SYCP1: variants seen among roughly 807,000 people sequenced by gnomAD.
SYCP1 encodes cancer/testis antigen 8.
SYCP1 carries 64 observed loss-of-function variants against 153.1 expected under a neutral mutation model. That is an observed-to-expected ratio of 0.42 (90% CI 0.34 to 0.51). The LOEUF is 0.51. Among genes scored for constraint, SYCP1 ranks in the 20% least tolerant of loss-of-function variants. SYCP1 has a pLI of 0.06. For missense variants in SYCP1, 997 were observed against 1,049.0 expected (o/e 0.95, Z 0.68); for synonymous variants, 384 against 341.8 (o/e 1.12, Z -1.36).
chr1:114,884,438 T>C (rs866015163), intron 12 of SYCP1, among the ~76,000 whole-genome samples: 17 of 152,200 alleles, frequency 1.1e-4, no homozygotes, highest in African/African-American at 3.9e-4. Flanking sequence ...TCTTTAAACT[T>C]TTTCTGTCTC....
intron 30 of SYCP1, among the ~76,000 whole-genome samples, chr1:114,992,095 A>G (rs928231325): frequency 4.6e-5 from 7 of 151,848 alleles, no homozygotes; most frequent in African/African-American, 1.7e-4. Flanking sequence ...AAATCTAACC[A>G]AGGAAGTAAA....
chr1:114,860,666 C>T, intron 7 of SYCP1, 70 bp from the exon 8 acceptor site: 2 of 957,384 alleles, frequency 2.1e-6, no homozygotes, highest in South Asian at 1.7e-5. Flanking sequence ...CAATATATTT[C>T]ATAACTTATA....
intron 23 of SYCP1, among the ~76,000 whole-genome samples, chr1:114,927,324 G>A (rs368177824): frequency 3.3e-5 from 5 of 151,982 alleles, no homozygotes; most frequent in African/African-American, 1.2e-4. Context: ...AATATTCACA[G>A]CAACATTCTT....
intron 8 of SYCP1, among the ~76,000 whole-genome samples, chr1:114,868,937 C>G (rs1384566623): frequency 6.6e-6 from 1 of 152,062 alleles, no homozygotes; most frequent in African/African-American, 2.4e-5. Flanking sequence ...CTCTCTTTTT[C>G]TTAGCCTGGC....
Position 114,882,549 on chromosome 1 carries a change from A to G in SYCP1, c.911-2986A>G, listed in dbSNP as rs185062601. On this transcript the variant is annotated intron_variant, in intron 12 of 31. Coordinates refer to ENST00000369522, the MANE Select transcript of SYCP1 (RefSeq NM_003176.4). ...AATATACAAACCATAGCTGTTTTAT[A>G]GTCCTTTTCTGATTTTTTTATTTTA... 3.0e-3 allele frequency among the ~76,000 whole-genome samples: 460 copies of G among 152,050 alleles called. 1 individual carries two copies. The highest frequency in any genetic ancestry group is 6.0e-3 in the Admixed American group (91 of 15,280).
In SYCP1 at chr1:114,994,952, G is replaced by C. The variant is rs771129520; in HGVS notation, c.2864G>C (p.Arg955Pro). 3 of 1,608,440 alleles carry C rather than the reference G, an allele frequency of 1.9e-6. No homozygotes were observed. Among genetic ancestry groups the C allele is most frequent in the Non-Finnish European group, 2.5e-6 (3 of 1,176,870 alleles). Residue 955 changes from arginine (R) to proline (P), a missense_variant, in exon 32 of 32, where the codon CGT becomes CCT. By Grantham distance (103) the Arg-to-Pro change is moderately radical. Transcript: ENST00000369522. Reference sequence around the variant, plus strand: ...GCTATAAGAAAAATGCGGGAGGACCGTTGGGCTGTAATTGCTAAAATGGAT... The same window carrying C: ...GCTATAAGAAAAATGCGGGAGGACCCTTGGGCTGTAATTGCTAAAATGGAT... ...FGAIRKMRED[R>P]WAVIAKMDRK... is the part of the protein sequence containing the mutation.
rs757943103 is a variant in SYCP1 at position 114,913,142 on chromosome 1, G to C, written c.1639G>C (p.Asp547His). 2 of 1,609,348 alleles carry C rather than the reference G, an allele frequency of 1.2e-6. No homozygotes were observed. Among genetic ancestry groups the C allele is most frequent in the Admixed American group, 3.4e-5 (2 of 59,620 alleles). Residue 547 changes from aspartate to histidine, a missense_variant, in exon 19 of 32, where the codon GAT (aspartate) becomes CAT (histidine). This residue lies in a region of SYCP1 where 712 missense variants were observed against 682.9 expected (regional missense o/e 1.04). Transcript: ENST00000369522. Reference protein sequence around the residue: ...MTLELKNQQEDINNNKKQEER... With the variant: ...MTLELKNQQEHINNNKKQEER... ...CCTAGAACTCAAGAATCAGCAAGAA[G>C]ATATTAATGTGAGTTGAAAAAGAAA...
chr1:114,901,721 A>G (rs965563056), intron 16 of SYCP1, among the ~76,000 whole-genome samples: 1 of 152,234 alleles, frequency 6.6e-6, no homozygotes, highest in Non-Finnish European at 1.5e-5. Flanking sequence ...GTTGCAGCTT[A>G]AGACGAACCT....
chr1:114,924,626 A>G (rs1669137121), intron 21 of SYCP1, among the ~76,000 whole-genome samples: 2 of 152,148 alleles, frequency 1.3e-5, no homozygotes, highest in Admixed American at 6.6e-5. Flanking sequence ...TTAAAAAAAC[A>G]TAAACATTAT....
rs146477283 is a variant in SYCP1 at position 114,888,248 on chromosome 1, C to T, written c.1258+555C>T. On this transcript the variant is annotated intron_variant, in intron 15 of 31. Coordinates refer to ENST00000369522, the MANE Select transcript of SYCP1 (RefSeq NM_003176.4). ...GCTTCATATTCATAACTCTTCATAT[C>T]TACAAATGTGGAAAATTGCAAAGAA... Among the ~76,000 whole-genome samples, 159 of 151,956 alleles carry T rather than the reference C, an allele frequency of 1.0e-3. 2 individuals are homozygous for T. The highest frequency in any genetic ancestry group is 3.7e-3 in the African/African-American group (153 of 41,470).
chr1:114,892,362 T>C (rs1362806654), intron 15 of SYCP1, among the ~76,000 whole-genome samples: 1 of 151,226 alleles, frequency 6.6e-6, no homozygotes, highest in Admixed American at 6.6e-5. Flanking sequence ...TGCCAGGGAG[T>C]GTGCGATTGT....
chr1:114,890,197 T>C (rs1336387392), intron 15 of SYCP1, among the ~76,000 whole-genome samples: 1 of 152,028 alleles, frequency 6.6e-6, no homozygotes, highest in Non-Finnish European at 1.5e-5. Flanking sequence ...CTGATTATTG[T>C]TGGAGGAAGC....
chr1:114,977,698 T>A (rs1218319515), intron 28 of SYCP1, 82 bp downstream of exon 28: 4 of 901,278 alleles, frequency 4.4e-6, no homozygotes, highest in Non-Finnish European at 5.0e-6. Context: ...TGTTTATAAG[T>A]AGGAAAATAA....
chr1:114,900,346 T>TC (rs1280106728), intron 16 of SYCP1, among the ~76,000 whole-genome samples: 1 of 152,164 alleles, frequency 6.6e-6, no homozygotes, highest in Non-Finnish European at 1.5e-5. Flanking sequence ...GGTGGCGTGA[T>TC]CTCAGCTCAC....
At chr1:114,874,458 G>T in intron 8 of SYCP1, 48 bp from the exon 9 acceptor site, 1 of 1,130,880 alleles carries the variant, frequency 8.8e-7, no homozygotes, top group South Asian at 1.4e-5. Flanking sequence ...TTGTCTTGTT[G>T]ACATCTTATT....
chr1:114,956,414 C>T lies in SYCP1; in HGVS notation c.2322+9094C>T, dbSNP rs149111926. Among the ~76,000 whole-genome samples the T allele has an allele frequency of 5.0e-3, 768 of 152,302 alleles. 8 individuals are homozygous for T. Among genetic ancestry groups the T allele is most frequent in the Non-Finnish European group, 8.9e-3 (605 of 68,010 alleles). ...AGGGAGCTAATTCTCAGCTCCAGTC[C>T]ATCCTGCTACACTTAGGAAACTATT... On this transcript the variant is annotated intron_variant, in intron 27 of 31. Coordinates refer to ENST00000369522, the MANE Select transcript of SYCP1 (RefSeq NM_003176.4).
intron 27 of SYCP1, among the ~76,000 whole-genome samples, chr1:114,956,393 A>G (rs1671434196): frequency 6.6e-6 from 1 of 152,072 alleles, no homozygotes; most frequent in African/African-American, 2.4e-5. Flanking sequence ...ATCCTGAGGG[A>G]GCTAATTCTC....
At chr1:114,857,377 A>C (rs1036139519) in intron 4 of SYCP1, 67 bp from the exon 5 acceptor site, 3 of 1,528,580 alleles carry the variant, frequency 2.0e-6, no homozygotes, top group Non-Finnish European at 2.7e-6. Context: ...AGTCTTCTGT[A>C]TTTAATTGTT....
intron 27 of SYCP1, among the ~76,000 whole-genome samples, chr1:114,961,821 T>G (rs1020423954): frequency 6.6e-6 from 1 of 152,120 alleles, no homozygotes; most frequent in African/African-American, 2.4e-5. Context: ...TCTGCAGTTG[T>G]TAGGTAGAAT....
Sources: allele counts gnomAD v4.1 joint callset (sites outside exome capture counted in the v4.1 genomes callset), GRCh38; gene constraint gnomAD v4.1.1; regional missense constraint gnomAD v4.1.1; transcripts MANE v1.5; gene names NCBI Gene and HGNC (gene_info 2026-07-23, HGNC 2026-07-21).